The following PCSK6 variants were observed in gnomAD, a reference collection of about 807,000 sequenced individuals.
PCSK6 encodes the protein proprotein convertase subtilisin/kexin type 6.
A neutral mutation model predicts 123.3 loss-of-function variants in PCSK6; 85 were observed. The observed-to-expected ratio is 0.69, with a 90% CI of 0.58 to 0.83. PCSK6 has a LOEUF of 0.83. PCSK6 is among the 40% of genes least tolerant of loss of function. The probability of loss-of-function intolerance (pLI) is 0.00; values close to 1 mark genes in which losing one functional copy is unlikely to be tolerated. For synonymous variants in PCSK6, 508 were observed against 516.0 expected (o/e 0.98, Z 0.21); for missense variants, 1,191 against 1,282.3 (o/e 0.93, Z 1.09).
intron 13 of PCSK6, 69 bp from the exon 14 acceptor site, chr15:101,332,100 AG>A (rs1171388040): frequency 7.0e-7 from 1 of 1,418,558 alleles, no homozygotes; most frequent in African/African-American, 1.4e-5. Flanking sequence ...GAAATAAGCC[AG>A]ATGCTGCCTG....
rs139047091 is a variant in PCSK6 at position 101,371,663 on chromosome 15, G to A, written c.1533-1140C>T. Among the ~76,000 whole-genome samples, 411 of 152,246 alleles carry A rather than the reference G, an allele frequency of 2.7e-3. 4 individuals are homozygous for A. Among genetic ancestry groups the A allele is most frequent in the East Asian group, 0.024 (123 of 5,172 alleles). ...ACTGTACCCAAGGTGTAGCTAATGCGGGGAGGAGCTGGGATTTGGGGCCCC... is the reference window on the plus strand; with the variant it reads ...ACTGTACCCAAGGTGTAGCTAATGCAGGGAGGAGCTGGGATTTGGGGCCCC... On this transcript the variant is annotated intron_variant, in intron 11 of 21. Transcript: ENST00000611716.
In PCSK6 at chr15:101,370,401, C is replaced by A. The variant is rs867788887; in HGVS notation, c.1655G>T (p.Arg552Leu). 3 of 1,552,926 alleles carry A rather than the reference C, an allele frequency of 1.9e-6. No homozygotes were observed. Among genetic ancestry groups the A allele is most frequent in the Non-Finnish European group, 2.6e-6 (3 of 1,147,766 alleles). The change falls in exon 12 of 22, where the codon CGC becomes CTC. Residue 552 changes from arginine to leucine, a missense_variant. This residue lies in a region of PCSK6 where 630 missense variants were observed against 631.4 expected (regional missense o/e 1.00). Transcript: ENST00000611716. The part of the protein sequence containing the change: ...VVVRTSISHP[R>L]RGDLQIYLVS... ...CAGGTAGATCTGGAGGTCTCCTCGGCGTGGGTGTGAGATGGAGGTGCGAAC... is the reference window on the plus strand; with the variant it reads ...CAGGTAGATCTGGAGGTCTCCTCGGAGTGGGTGTGAGATGGAGGTGCGAAC...
intron 6 of PCSK6, among the ~76,000 whole-genome samples, chr15:101,409,295 A>C (rs2042869594): frequency 1.3e-5 from 2 of 151,838 alleles, no homozygotes; most frequent in South Asian, 4.2e-4. Context: ...GTCTCTATTA[A>C]AAATACAAGG....
rs117881928 is a variant in PCSK6, at chr15:101,469,193, C to T, written c.297+20181G>A. Among the ~76,000 whole-genome samples, 184 of 152,266 alleles carry T rather than the reference C, an allele frequency of 1.2e-3. 3 individuals are homozygous for T. In the East Asian group the frequency reaches 0.028, roughly 23 times the overall value. Reference sequence around the variant, plus strand: ...CTCCCATTCTAGAAGAGCCTTACAACTCCTGCTCATTTAATTAAGATGGTC... The same window carrying T: ...CTCCCATTCTAGAAGAGCCTTACAATTCCTGCTCATTTAATTAAGATGGTC... On this transcript the variant is annotated intron_variant, in intron 1 of 21. Transcript: ENST00000611716.
At chr15:101,456,948 G>C (rs1455013143) in intron 1 of PCSK6, among the ~76,000 whole-genome samples, 2 of 152,110 alleles carry the variant, frequency 1.3e-5, no homozygotes, top group Non-Finnish European at 2.9e-5. Flanking sequence ...AGGCCAAGCA[G>C]ATCACCTGGG....
chr15:101,411,063 G>A (rs1047964185), intron 6 of PCSK6, among the ~76,000 whole-genome samples: 1 of 152,176 alleles, frequency 6.6e-6, no homozygotes, highest in Non-Finnish European at 1.5e-5. Flanking sequence ...AACTTAGAAC[G>A]AACAAATCTG....
At chr15:101,458,151 A>G in intron 1 of PCSK6, among the ~76,000 whole-genome samples, 1 of 152,190 alleles carries the variant, frequency 6.6e-6, no homozygotes, top group Admixed American at 6.5e-5. Context: ...CTATCAGGCA[A>G]GACACAGTAA....
intron 6 of PCSK6, among the ~76,000 whole-genome samples, chr15:101,403,092 TA>T (rs1596296765): frequency 1.3e-5 from 2 of 151,796 alleles, no homozygotes; most frequent in Non-Finnish European, 2.9e-5. Context: ...TATGCAGCCA[TA>T]AAAAATGATG....
chr15:101,453,022 T>A (rs958157409), intron 1 of PCSK6, among the ~76,000 whole-genome samples: 2 of 152,286 alleles, frequency 1.3e-5, no homozygotes, highest in Admixed American at 1.3e-4. Context: ...TTAATTGTAA[T>A]AAAACAAGGT....
At chr15:101,424,264 CA>C (rs2056180711) in intron 6 of PCSK6, among the ~76,000 whole-genome samples, 1 of 148,216 alleles carries the variant, frequency 6.7e-6, no homozygotes, top group Admixed American at 6.7e-5. Context: ...GCCATAGGAA[CA>C]AATCACGTTT....
At chr15:101,448,590 G>A (rs1025857195) in intron 1 of PCSK6, among the ~76,000 whole-genome samples, 3 of 152,194 alleles carry the variant, frequency 2.0e-5, no homozygotes, top group African/African-American at 7.2e-5. Context: ...GAGTTCAGAT[G>A]AATTAATAAG....
chr15:101,352,611 G>A (rs1449665849), intron 13 of PCSK6, among the ~76,000 whole-genome samples: 2 of 151,994 alleles, frequency 1.3e-5, no homozygotes, highest in African/African-American at 4.8e-5. Flanking sequence ...CTTTATTAAC[G>A]GACTATCCGT....
chr15:101,417,127 T>C (rs1348672707), intron 6 of PCSK6, among the ~76,000 whole-genome samples: 1 of 152,222 alleles, frequency 6.6e-6, no homozygotes, highest in African/African-American at 2.4e-5. Context: ...CTCGTGATAG[T>C]GAATAAGTCT....
chr15:101,359,450 CA>C (rs1303665195), intron 13 of PCSK6, among the ~76,000 whole-genome samples: 3 of 152,234 alleles, frequency 2.0e-5, no homozygotes, highest in African/African-American at 7.2e-5. Context: ...GCACACAGAG[CA>C]TCTGGTCATG....
At chr15:101,378,322 G>T (rs1203597269) in intron 11 of PCSK6, among the ~76,000 whole-genome samples, 1 of 152,220 alleles carries the variant, frequency 6.6e-6, no homozygotes, top group African/African-American at 2.4e-5. Context: ...ACGTGCCTCT[G>T]GTCTACGGTC....
At chr15:101,451,887 GACC>G (rs2057045488) in intron 1 of PCSK6, among the ~76,000 whole-genome samples, 1 of 152,124 alleles carries the variant, frequency 6.6e-6, no homozygotes, top group Admixed American at 6.5e-5. Flanking sequence ...AAATATAGAT[GACC>G]ACTGGACCTA....
chr15:101,489,347 T>C (rs1462925894), intron 1 of PCSK6, 27 bp downstream of exon 1: 20 of 1,129,982 alleles, frequency 1.8e-5, no homozygotes, highest in Non-Finnish European at 2.1e-5. Flanking sequence ...GGGAAAGTTT[T>C]GGGCGCGCGG....
chr15:101,385,207 G>A lies in PCSK6; in HGVS notation c.1311-782C>T, dbSNP rs531107976. Among the ~76,000 whole-genome samples, 189 of 152,104 alleles carry A rather than the reference G, an allele frequency of 1.2e-3. 1 individual carries two copies. Among genetic ancestry groups the A allele is most frequent in the South Asian group, 2.7e-3 (13 of 4,814 alleles). Reference sequence around the variant, plus strand: ...AATTTTTTACATTTTTTGTAGAGACGAGGTCTTGCTATATTGCCCAGGCTG... The same window carrying A: ...AATTTTTTACATTTTTTGTAGAGACAAGGTCTTGCTATATTGCCCAGGCTG... On this transcript the variant is annotated intron_variant, in intron 9 of 21. Transcript: ENST00000611716.
In PCSK6 at chr15:101,432,039, G is replaced by A. The variant is rs562577366; in HGVS notation, c.464C>T (p.Pro155Leu). 265 of 1,613,696 alleles carry A rather than the reference G, an allele frequency of 1.6e-4. 3 individuals carry two copies. The South Asian group carries it at 2.4e-3, about 15-fold the overall frequency. The part of the protein sequence containing the change: ...RRVKRQVRSD[P>L]QALYFNDPIW... ...GGGGTCGTTGAAGTAAAGGGCCTGC[G>A]GGTCACTTCGCACCTGTCTCTTCAC... Residue 155 changes from proline (P) to leucine (L), a missense_variant, in exon 3 of 22, where the codon CCG becomes CTG. This residue lies in a region of PCSK6 where 357 missense variants were observed against 484.5 expected (regional missense o/e 0.74). Transcript: ENST00000611716.
Sources: gnomAD v4.1 joint callset for allele counts (sites outside exome capture counted in the v4.1 genomes callset) on GRCh38, gnomAD v4.1.1 for gene constraint, gnomAD v4.1.1 regional missense constraint, MANE v1.5 for transcripts, NCBI Gene and HGNC (gene_info 2026-07-23, HGNC 2026-07-21) for gene names.